Variants in UPP2 observed in about 807,000 individuals in gnomAD.
UPP2 encodes the protein UPase 2.
Under a neutral mutation model 26.7 loss-of-function variants are expected in UPP2, and 23 were observed. That is an observed-to-expected ratio of 0.86 (90% CI 0.62 to 1.22). The LOEUF (loss-of-function observed/expected upper bound fraction) is 1.22. Among genes scored for constraint, UPP2 ranks in the 50% most tolerant of loss-of-function variants. The pLI is 0.00. For synonymous variants in UPP2, 127 were observed against 141.3 expected (o/e 0.90, Z 0.72); for missense variants, 387 against 396.7 (o/e 0.98, Z 0.21).
intron 3 of UPP2, among the ~76,000 whole-genome samples, chr2:158,032,829 T>C (rs1215791756): frequency 1.3e-5 from 2 of 152,182 alleles, no homozygotes; most frequent in Non-Finnish European, 2.9e-5. Flanking sequence ...AGCAATGCTT[T>C]TCATATCTGA....
chr2:158,120,888 C>T (rs933024095), intron 4 of UPP2, among the ~76,000 whole-genome samples: 4 of 151,812 alleles, frequency 2.6e-5, no homozygotes, highest in Non-Finnish European at 5.9e-5. Context: ...TTAAGTAAGC[C>T]CAAGTCCCTT....
intron 3 of UPP2, among the ~76,000 whole-genome samples, chr2:158,027,534 A>G (rs1249339441): frequency 1.3e-5 from 2 of 152,082 alleles, no homozygotes; most frequent in Admixed American, 1.3e-4. Flanking sequence ...GACTGCTTTC[A>G]TGGGCTGGCA....
intron 3 of UPP2, among the ~76,000 whole-genome samples, chr2:158,018,123 A>G (rs995982055): frequency 6.6e-5 from 10 of 152,326 alleles, no homozygotes; most frequent in East Asian, 3.9e-4. Flanking sequence ...ATCATAACCA[A>G]TGAAAATCAT....
At chr2:158,000,829 A>AG (rs1344224185) in intron 2 of UPP2, among the ~76,000 whole-genome samples, 1 of 152,224 alleles carries the variant, frequency 6.6e-6, no homozygotes, top group Non-Finnish European at 1.5e-5. Flanking sequence ...ATGCTGAAGG[A>AG]GGGAATTTGG....
At chr2:158,057,523 G>A (rs1263266622) in intron 3 of UPP2, among the ~76,000 whole-genome samples, 1 of 152,256 alleles carries the variant, frequency 6.6e-6, no homozygotes, top group Non-Finnish European at 1.5e-5. Context: ...GAGTTGGCAT[G>A]TGTGTCCTTT....
chr2:158,033,187 T>C (rs1308150401), intron 3 of UPP2, among the ~76,000 whole-genome samples: 1 of 152,158 alleles, frequency 6.6e-6, no homozygotes, highest in Non-Finnish European at 1.5e-5. Flanking sequence ...GGAGGACCTT[T>C]GAGCATGGTG....
intron 3 of UPP2, among the ~76,000 whole-genome samples, chr2:158,051,228 C>A (rs556416304): frequency 6.8e-6 from 1 of 147,278 alleles, no homozygotes; most frequent in Non-Finnish European, 1.5e-5. Context: ...CATTTCATAA[C>A]AACGCAGTCT....
At chr2:158,107,475 T>C (rs953296774) in intron 2 of UPP2, among the ~76,000 whole-genome samples, 1 of 152,140 alleles carries the variant, frequency 6.6e-6, no homozygotes, top group Admixed American at 6.6e-5. Flanking sequence ...AAGTCCAATC[T>C]CTAGGGTTCT....
At chr2:158,071,771 A>C (rs1362125890) in intron 3 of UPP2, among the ~76,000 whole-genome samples, 1 of 152,056 alleles carries the variant, frequency 6.6e-6, no homozygotes, top group East Asian at 1.9e-4. Context: ...TCCTGGCAGG[A>C]TTCATCATCT....
At chr2:158,071,169 C>A (rs903935864) in intron 3 of UPP2, among the ~76,000 whole-genome samples, 1 of 152,068 alleles carries the variant, frequency 6.6e-6, no homozygotes, top group Admixed American at 6.5e-5. Context: ...TGGACTAGGG[C>A]GGCACGTGAC....
intron 3 of UPP2, among the ~76,000 whole-genome samples, chr2:158,060,989 C>T (rs1201508975): frequency 2.0e-5 from 3 of 152,160 alleles, no homozygotes; most frequent in African/African-American, 7.2e-5. Flanking sequence ...GATAGCATGT[C>T]CTTACAACTA....
intron 6 of UPP2, chr2:158,127,916 C>A: frequency 2.5e-6 from 2 of 798,690 alleles, no homozygotes; most frequent in Non-Finnish European, 3.0e-6. Flanking sequence ...TCAATAAATG[C>A]ATTCTCCTAT....
At chr2:158,035,313 C>T (rs1407363095) in intron 3 of UPP2, among the ~76,000 whole-genome samples, 6 of 152,182 alleles carry the variant, frequency 3.9e-5, no homozygotes, top group African/African-American at 1.4e-4. Context: ...TGCACCACCA[C>T]GCCCAGCTAA....
upstream of UPP2, among the ~76,000 whole-genome samples, chr2:158,100,397 T>A (rs1683055359): frequency 6.6e-6 from 1 of 152,204 alleles, no homozygotes; most frequent in African/African-American, 2.4e-5. Context: ...TGAACACTTA[T>A]CTAATTAGCT....
chr2:158,117,751 T>C, intron 3 of UPP2, 73 bp from the exon 4 acceptor site: 2 of 1,166,754 alleles, frequency 1.7e-6, no homozygotes, highest in Admixed American at 1.8e-5. Context: ...TAACTTGTAA[T>C]GATGGAAGAA....
At position 158,083,867 on chromosome 2, in the gene UPP2, T is replaced by TATATATATATATATATA. The variant is rs1553467792; in HGVS notation, c.148-18173_148-18172insATATATATATATATATA. Among the ~76,000 whole-genome samples the TATATATATATATATATA allele has an allele frequency of 1.0e-3, 153 of 145,842 alleles. 1 individual carries two copies. The highest frequency in any genetic ancestry group is 3.8e-3 in the African/African-American group (150 of 39,332). ...ATGTCTGTTTATATATATATGTTTT[T>TATATATATATATATATA]TATATATATATATATATCTCACAAG... On this transcript the variant is annotated intron_variant, in intron 3 of 9. Coordinates refer to the UPP2 transcript ENST00000605860.
intron 6 of UPP2, among the ~76,000 whole-genome samples, chr2:158,130,480 G>A (rs1024872420): frequency 2.0e-5 from 3 of 150,870 alleles, no homozygotes; most frequent in African/African-American, 7.3e-5. Context: ...AAAAACCACT[G>A]TGCATTATAC....
chr2:158,079,258 C>T (rs1302443768), intron 3 of UPP2, among the ~76,000 whole-genome samples: 1 of 151,990 alleles, frequency 6.6e-6, no homozygotes, highest in Non-Finnish European at 1.5e-5. Context: ...ATAATATATA[C>T]ACATACTATG....
At chr2:158,038,411 C>G (rs1042577499) in intron 3 of UPP2, among the ~76,000 whole-genome samples, 1 of 152,164 alleles carries the variant, frequency 6.6e-6, no homozygotes, top group Non-Finnish European at 1.5e-5. Context: ...TTGATTGCAT[C>G]AATAATGAGG....
Sources: gnomAD v4.1 joint callset for allele counts (sites outside exome capture counted in the v4.1 genomes callset) on GRCh38, gnomAD v4.1.1 for gene constraint, MANE v1.5 for transcripts, NCBI Gene and HGNC (gene_info 2026-07-23, HGNC 2026-07-21) for gene names.